Variants in NIPSNAP3B observed in about 807,000 individuals in gnomAD.
The protein encoded by NIPSNAP3B is protein NipSnap homolog 3B.
NIPSNAP3B carries 30 observed loss-of-function variants against 31.5 expected under a neutral mutation model. The ratio of observed to expected loss-of-function variants is 0.95; its 90% CI spans 0.71 to 1.29. NIPSNAP3B has a LOEUF of 1.29. Ranked by LOEUF, NIPSNAP3B falls within the 50% of genes most tolerant of loss-of-function variation. The probability of loss-of-function intolerance (pLI) is 0.00; values close to 1 mark genes in which losing one functional copy is unlikely to be tolerated. For synonymous variants in NIPSNAP3B, 106 were observed against 107.9 expected (o/e 0.98, Z 0.11); for missense variants, 269 against 300.7 (o/e 0.89, Z 0.78).
the NIPSNAP3B span, chr9:104,786,876 T>A: frequency 6.2e-7 from 1 of 1,604,458 alleles, no homozygotes. Flanking sequence ...TACGGACCTA[T>A]GAGATGTAAG....
chr9:104,785,650 G>GA, the NIPSNAP3B span: 5 of 1,613,592 alleles, frequency 3.1e-6, no homozygotes, highest in East Asian at 2.2e-5. Flanking sequence ...CTGAAAGCAG[G>GA]AAAAAATACC....
chr9:104,769,012 C>G lies in NIPSNAP3B; in HGVS notation c.421C>G (p.Pro141Ala). 6.2e-7 allele frequency: 1 copy of G among 1,611,772 alleles called. No individual in the cohort carries two copies. ...ACCATGGTCCAAATTAGAAAAGCCT[C>G]CAAAAGAAGGTGAGTTCTTCCCTCT... is the stretch of plus-strand genomic sequence containing the variant. The part of the protein sequence containing the change: ...LIPWSKLEKP[P>A]KEGVYELAVF... The change falls in exon 3 of 6, where the codon CCA becomes GCA. Residue 141 changes from proline to alanine, a missense_variant. By Grantham distance (27) the Pro-to-Ala change is conservative (BLOSUM62 -1). Transcript: ENST00000374762.
chr9:104,772,801 A>G (rs1331165470), intron 4 of NIPSNAP3B, 21 bp from the exon 5 acceptor site: 1 of 1,606,974 alleles, frequency 6.2e-7, no homozygotes, highest in Non-Finnish European at 8.5e-7. Flanking sequence ...TTCAGAAACT[A>G]CTTGTGGTTT....
At chr9:104,766,639 T>C in intron 2 of NIPSNAP3B, 104 bp downstream of exon 2, 1 of 1,131,316 alleles carries the variant, frequency 8.8e-7, no homozygotes, top group Non-Finnish European at 1.3e-6. Flanking sequence ...ACATACAGGT[T>C]AAGTAAGACT....
Position 104,774,282 on chromosome 9 carries a change from C to G in NIPSNAP3B, c.*1209C>G, listed in dbSNP as rs1261096631. Reference sequence around the variant, plus strand: ...ACAGTTTCCTCTCATTTATCAGGCTCTAAGCGATCTGCAGTTTATCTGGGC... The same window carrying G: ...ACAGTTTCCTCTCATTTATCAGGCTGTAAGCGATCTGCAGTTTATCTGGGC... On this transcript the variant is annotated 3_prime_UTR_variant, in exon 6 of 6. Transcript: ENST00000374762. Among the ~76,000 whole-genome samples, 1 of 152,294 alleles carries G rather than the reference C, an allele frequency of 6.6e-6. No individual in the cohort carries two copies. The highest frequency in any genetic ancestry group is 1.9e-4 in the East Asian group (1 of 5,182).
chr9:104,769,955 C>T (rs1828178182), intron 3 of NIPSNAP3B, among the ~76,000 whole-genome samples: 1 of 152,168 alleles, frequency 6.6e-6, no homozygotes, highest in Non-Finnish European at 1.5e-5. Flanking sequence ...AAACAGAGGT[C>T]AGATTCGAAA....
chr9:104,769,948 C>G (rs973150890), intron 3 of NIPSNAP3B, among the ~76,000 whole-genome samples: 1 of 152,186 alleles, frequency 6.6e-6, no homozygotes, highest in Non-Finnish European at 1.5e-5. Context: ...TAATTTTAAA[C>G]AGAGGTCAGA....
In NIPSNAP3B at chr9:104,764,290, T is replaced by C. The variant is rs928506962; in HGVS notation, c.50T>C (p.Leu17Pro). 3 of 1,588,502 alleles carry C rather than the reference T, an allele frequency of 1.9e-6. No individual in the cohort carries two copies. In the African/African-American group the frequency reaches 4.0e-5, roughly 21 times the overall value. The change falls in exon 1 of 6, where the codon CTC (leucine) becomes CCC (proline). Residue 17 changes from leucine to proline, a missense_variant. Leu to Pro is a moderately conservative substitution (Grantham distance 98). Coordinates refer to ENST00000374762, the MANE Select transcript of NIPSNAP3B (RefSeq NM_018376.4). ...GLTKALASRT[L>P]APQVCSSFAT... ...ACCAAGGCGCTTGCCTCACGGACGC[T>C]CGCGCCTCAGGTACTGGCCGCGGGG...
intron 4 of NIPSNAP3B, among the ~76,000 whole-genome samples, chr9:104,771,698 CAT>C (rs988278785): frequency 3.3e-5 from 5 of 152,124 alleles, no homozygotes; most frequent in African/African-American, 1.2e-4. Context: ...TTCACGTGCA[CAT>C]GTCTTTATGG....
rs970998124 is a variant in NIPSNAP3B, at chr9:104,777,733, G to A, written c.*4660G>A. Among the ~76,000 whole-genome samples, 3 of 152,160 alleles carry A rather than the reference G, an allele frequency of 2.0e-5. No homozygotes were observed. Among genetic ancestry groups the A allele is most frequent in the Non-Finnish European group, 4.4e-5 (3 of 68,036 alleles). ...TGCAGCCTATATTATTAACAGACAA[G>A]GAAAGAATCCAAATAAAAGTTCTGT... On this transcript the variant is annotated 3_prime_UTR_variant, in exon 6 of 6. Coordinates refer to ENST00000374762, the MANE Select transcript of NIPSNAP3B (RefSeq NM_018376.4).
At chr9:104,785,739 C>A in the NIPSNAP3B span, 3 of 1,446,860 alleles carry the variant, frequency 2.1e-6, no homozygotes, top group Non-Finnish European at 2.9e-6. Flanking sequence ...AAAAGGGCGG[C>A]CCCTGGCAGG....
At chr9:104,780,651 G>A (rs1828474360), downstream of NIPSNAP3B, among the ~76,000 whole-genome samples, 1 of 152,130 alleles carries the variant, frequency 6.6e-6, no homozygotes, top group Non-Finnish European at 1.5e-5. Flanking sequence ...ATAAACAAAA[G>A]GACACTGAAG....
the NIPSNAP3B span, chr9:104,788,155 G>A: frequency 7.5e-7 from 1 of 1,340,214 alleles, no homozygotes; most frequent in Admixed American, 1.7e-5. Flanking sequence ...AGTAGGACTA[G>A]ATTCTATAAT....
At chr9:104,766,220 GATA>G in intron 1 of NIPSNAP3B, 102 bp from the exon 2 acceptor site, 3 of 807,392 alleles carry the variant, frequency 3.7e-6, no homozygotes, top group Non-Finnish European at 6.1e-6. Flanking sequence ...GTAAACAATG[GATA>G]ATGAGTCTAT....
intron 3 of NIPSNAP3B, 88 bp downstream of exon 3, chr9:104,769,109 A>AT (rs1828152021): frequency 2.2e-6 from 2 of 928,994 alleles, no homozygotes; most frequent in African/African-American, 1.7e-5. Flanking sequence ...ATAGGAAAAA[A>AT]ATATATAATT....
downstream of NIPSNAP3B, chr9:104,781,923 G>A (rs1351512635): frequency 6.6e-6 from 1 of 152,060 alleles, no homozygotes; most frequent in Non-Finnish European, 1.5e-5. Context: ...ATTTTAAAAG[G>A]TAACACAGTA....
the NIPSNAP3B span, among the ~76,000 whole-genome samples, chr9:104,787,546 G>T: frequency 6.6e-6 from 1 of 152,092 alleles, no homozygotes; most frequent in African/African-American, 2.4e-5. Flanking sequence ...TCATCTATCC[G>T]TGTGTAAGGA....
At chr9:104,789,496 A>AT in the NIPSNAP3B span, among the ~76,000 whole-genome samples, 2 of 152,178 alleles carry the variant, frequency 1.3e-5, no homozygotes, top group Non-Finnish European at 2.9e-5. Flanking sequence ...GCTCTTTTCA[A>AT]TTTTATTGGC....
chr9:104,789,689 T>C, the NIPSNAP3B span, among the ~76,000 whole-genome samples: 11 of 152,336 alleles, frequency 7.2e-5, no homozygotes, highest in Admixed American at 7.2e-4. Flanking sequence ...GTTATACATG[T>C]GTCTACATGT....
Sources: gnomAD v4.1 joint callset for allele counts (sites outside exome capture counted in the v4.1 genomes callset) on GRCh38, gnomAD v4.1.1 for gene constraint, MANE v1.5 for transcripts, NCBI Gene and HGNC (gene_info 2026-07-23, HGNC 2026-07-21) for gene names.